The following EVC2 variants were observed in gnomAD, a reference collection of about 807,000 sequenced individuals.
EVC2 encodes the protein EvC ciliary complex subunit 2.
Under a neutral mutation model 149.3 loss-of-function variants are expected in EVC2, and 148 were observed. The observed-to-expected ratio is 0.99, with a 90% CI of 0.87 to 1.14. The LOEUF is 1.14. EVC2 is among the 50% of genes most tolerant of loss of function. EVC2 has a pLI of 0.00. For missense variants in EVC2, 1,854 were observed against 1,627.3 expected, an observed-to-expected ratio of 1.14 and a Z score of -2.40; for synonymous variants, 776 against 649.9, an observed-to-expected ratio of 1.19 and a Z score of -2.95.
chr4:5,571,733 A>G (rs1395556610), intron 19 of EVC2, among the ~76,000 whole-genome samples: 2 of 152,178 alleles, frequency 1.3e-5, no homozygotes, highest in East Asian at 3.9e-4. Context: ...TTATGTGTCC[A>G]TTTGGCTGGG....
At position 5,635,287 on chromosome 4, in the gene EVC2, T is replaced by C. The variant is rs536472174; in HGVS notation, c.1471-3255A>G. Among the ~76,000 whole-genome samples, 88 of 152,254 alleles carry C rather than the reference T, an allele frequency of 5.8e-4. 1 individual carries two copies. Among genetic ancestry groups the C allele is most frequent in the African/African-American group, 2.0e-3 (83 of 41,554 alleles). ...CCTGACCTCAGGTGATCCACCTGTC[T>C]CGGCATCCCAAAGTGTTGGGATTAC... is the stretch of plus-strand genomic sequence containing the variant. On this transcript the variant is annotated intron_variant, in intron 10 of 21. Transcript: ENST00000344408.
At chr4:5,697,732 G>T in intron 1 of EVC2, 85 bp from the exon 2 acceptor site, 1 of 1,283,662 alleles carries the variant, frequency 7.8e-7, no homozygotes, top group Non-Finnish European at 1.1e-6. Context: ...TGACTCACAT[G>T]GAGAGGACAT....
intron 21 of EVC2, among the ~76,000 whole-genome samples, chr4:5,551,851 TAA>T (rs1351415632): frequency 6.6e-6 from 1 of 151,876 alleles, no homozygotes; most frequent in East Asian, 1.9e-4. Context: ...TGATGATTTT[TAA>T]AACAGGAGTT....
intron 12 of EVC2, among the ~76,000 whole-genome samples, chr4:5,627,972 A>G (rs1716236864): frequency 6.6e-6 from 1 of 152,184 alleles, no homozygotes. Flanking sequence ...AAAACTGGCC[A>G]TGAGTGGGGC....
Position 5,689,346 on chromosome 4 carries a change from A to G in EVC2, c.520-3T>C. ...TGTGCTTCACTCGACCCAGACACCTAGGGCAGAAGGAGAAGGCATGAGGGC... is the reference window on the plus strand; with the variant it reads ...TGTGCTTCACTCGACCCAGACACCTGGGGCAGAAGGAGAAGGCATGAGGGC... On this transcript the variant is annotated splice_region_variant and splice_polypyrimidine_tract_variant and intron_variant, in intron 4 of 21. Transcript: ENST00000344408. 1 of 1,614,058 alleles carries G rather than the reference A, an allele frequency of 6.2e-7. No individual in the cohort carries two copies. The highest frequency in any genetic ancestry group is 8.5e-7 in the Non-Finnish European group (1 of 1,180,036).
chr4:5,551,296 G>T (rs1354581472), intron 21 of EVC2, among the ~76,000 whole-genome samples: 1 of 152,208 alleles, frequency 6.6e-6, no homozygotes, highest in Admixed American at 6.5e-5. Context: ...AGACACAGGG[G>T]TAGAGTTGCC....
At chr4:5,675,391 T>G (rs1233231017) in intron 7 of EVC2, among the ~76,000 whole-genome samples, 2 of 152,246 alleles carry the variant, frequency 1.3e-5, no homozygotes, top group Non-Finnish European at 2.9e-5. Context: ...AATTCATGCA[T>G]GATACATCCT....
intron 21 of EVC2, among the ~76,000 whole-genome samples, chr4:5,563,359 T>C (rs2108765527): frequency 6.6e-6 from 1 of 152,310 alleles, no homozygotes; most frequent in East Asian, 1.9e-4. Flanking sequence ...GTTTTTTGTT[T>C]TGTTTGAGAT....
intron 7 of EVC2, among the ~76,000 whole-genome samples, chr4:5,671,279 G>C (rs1431109875): frequency 1.3e-5 from 2 of 152,144 alleles, no homozygotes; most frequent in Non-Finnish European, 2.9e-5. Flanking sequence ...CCTCTCCTAG[G>C]CTGGCCCTTT....
At chr4:5,666,148 T>C (rs1161233088) in intron 7 of EVC2, among the ~76,000 whole-genome samples, 1 of 152,138 alleles carries the variant, frequency 6.6e-6, no homozygotes, top group African/African-American at 2.4e-5. Flanking sequence ...GTCTTCTGAC[T>C]GGTGAGATTA....
intron 9 of EVC2, among the ~76,000 whole-genome samples, chr4:5,648,285 C>T (rs564115465): frequency 3.9e-5 from 6 of 152,280 alleles, no homozygotes; most frequent in South Asian, 4.2e-4. Flanking sequence ...AGACCTGTAT[C>T]GGAGTTTGAC....
upstream of EVC2, chr4:5,709,026 C>G (rs1722403125): frequency 6.5e-6 from 1 of 153,196 alleles, no homozygotes; most frequent in African/African-American, 2.4e-5. Flanking sequence ...GAAAAGGACC[C>G]TCACTTCCGG....
chr4:5,617,894 G>C (rs1431470933), intron 15 of EVC2, among the ~76,000 whole-genome samples: 1 of 152,190 alleles, frequency 6.6e-6, no homozygotes, highest in Non-Finnish European at 1.5e-5. Flanking sequence ...GCCAAGCAAG[G>C]CTGTGGTCTC....
At chr4:5,652,521 A>G (rs934623528) in intron 9 of EVC2, among the ~76,000 whole-genome samples, 2 of 152,192 alleles carry the variant, frequency 1.3e-5, no homozygotes, top group South Asian at 4.1e-4. Context: ...CAGAGACCAG[A>G]AGGCCGAGAC....
At chr4:5,544,976 C>T (rs1330456962) in intron 21 of EVC2, among the ~76,000 whole-genome samples, 1 of 152,218 alleles carries the variant, frequency 6.6e-6, no homozygotes, top group Non-Finnish European at 1.5e-5. Flanking sequence ...AGCCTGAGCA[C>T]ATGCTGTTCC....
At chr4:5,535,601 A>AAG in the EVC2 span, among the ~76,000 whole-genome samples, 6,489 of 118,190 alleles carry the variant, frequency 0.055, 179 homozygotes, top group African/African-American at 0.084. This position sits in a 1 kb window ranked among gnomAD's most constrained non-coding sequence, Gnocchi z 4.7. Flanking sequence ...CATGCTTAGA[A>AAG]AGAGAGAGAG....
intron 7 of EVC2, among the ~76,000 whole-genome samples, chr4:5,673,165 T>C (rs971127115): frequency 2.0e-5 from 3 of 152,198 alleles, no homozygotes; most frequent in African/African-American, 7.2e-5. Flanking sequence ...CAGTGCCTAA[T>C]GTTTAGGGTT....
intron 16 of EVC2, among the ~76,000 whole-genome samples, chr4:5,594,604 A>G (rs2108801454): frequency 6.6e-6 from 1 of 152,322 alleles, no homozygotes; most frequent in East Asian, 1.9e-4. Flanking sequence ...AAAAGTAAAT[A>G]AAACCACAAA....
At chr4:5,562,368 A>C, downstream of EVC2, 1 of 875,520 alleles carries the variant, frequency 1.1e-6, no homozygotes. The surrounding 1 kb of genome is among the most constrained non-coding windows in gnomAD (Gnocchi z 4.3). Context: ...CACACAGGGA[A>C]CAAAACGTAA....
Sources: gnomAD v4.1 joint callset for allele counts (sites outside exome capture counted in the v4.1 genomes callset) on GRCh38, gnomAD v4.1.1 for gene constraint, Gnocchi (gnomAD v3.1) non-coding constraint, MANE v1.5 for transcripts, NCBI Gene and HGNC (gene_info 2026-07-23, HGNC 2026-07-21) for gene names.